Variants in TRAPPC9 observed in about 807,000 individuals in gnomAD.
TRAPPC9 encodes trafficking protein particle complex subunit 9.
TRAPPC9 carries 83 observed loss-of-function variants against 124.0 expected under a neutral mutation model. The ratio of observed to expected loss-of-function variants is 0.67; its 90% CI spans 0.56 to 0.80. The LOEUF (loss-of-function observed/expected upper bound fraction) is 0.80. TRAPPC9 is among the 30% of genes least tolerant of loss of function. TRAPPC9 has a pLI of 0.00. For synonymous variants in TRAPPC9, 638 were observed against 617.5 expected, an observed-to-expected ratio of 1.03 and a Z score of -0.49; for missense variants, 1,302 against 1,508.3, an observed-to-expected ratio of 0.86 and a Z score of 2.27.
At chr8:139,761,360 C>T (rs548937300) in intron 21 of TRAPPC9, among the ~76,000 whole-genome samples, 7 of 152,296 alleles carry the variant, frequency 4.6e-5, no homozygotes, top group East Asian at 1.9e-4. Context: ...AGCTCACAGC[C>T]GGACATGAAG....
chr8:139,846,403 C>T (rs913894618), intron 21 of TRAPPC9, among the ~76,000 whole-genome samples: 1 of 152,232 alleles, frequency 6.6e-6, no homozygotes, highest in African/African-American at 2.4e-5. Flanking sequence ...CCAGGCCCCA[C>T]CAGTTGGCAC....
intron 21 of TRAPPC9, among the ~76,000 whole-genome samples, chr8:139,802,414 G>A (rs576720266): frequency 1.3e-5 from 2 of 152,288 alleles, no homozygotes; most frequent in East Asian, 1.9e-4. Flanking sequence ...GGCTATGGGA[G>A]GGGTCCCTGG....
chr8:140,060,547 C>T (rs371660209), intron 17 of TRAPPC9, among the ~76,000 whole-genome samples: 21 of 152,126 alleles, frequency 1.4e-4, no homozygotes, highest in East Asian at 5.8e-4. Flanking sequence ...CCCATCCCTA[C>T]CCATCCTTAT....
At chr8:139,753,859 C>A (rs1348689050) in intron 21 of TRAPPC9, among the ~76,000 whole-genome samples, 3 of 152,338 alleles carry the variant, frequency 2.0e-5, no homozygotes, top group Admixed American at 6.5e-5. Flanking sequence ...ACCCCCCTCT[C>A]CTCGCCTGTG....
In TRAPPC9 at chr8:140,089,575, C is replaced by T. The variant is rs574105339; in HGVS notation, c.2557-65496G>A. Reference sequence around the variant, plus strand: ...AAAAGCCTTTCTTTGGGGAGCTTTTCGGATTTTGGAATAGCAGGCAGAGGG... The same window carrying T: ...AAAAGCCTTTCTTTGGGGAGCTTTTTGGATTTTGGAATAGCAGGCAGAGGG... On this transcript the variant is annotated intron_variant, in intron 17 of 22. Coordinates refer to ENST00000438773, the MANE Select transcript of TRAPPC9 (RefSeq NM_001160372.4). Among the ~76,000 whole-genome samples, 314 of 152,250 alleles carry T rather than the reference C, an allele frequency of 2.1e-3. 4 individuals carry two copies. The highest frequency in any genetic ancestry group is 3.4e-3 in the Middle Eastern group (1 of 294).
chr8:139,791,321 GCA>G (rs1822649643), intron 21 of TRAPPC9, among the ~76,000 whole-genome samples: 1 of 117,480 alleles, frequency 8.5e-6, no homozygotes, highest in East Asian at 2.3e-4. Context: ...CGTCTCCCCT[GCA>G]CAGACACACA....
chr8:139,899,816 G>C (rs79092754), intron 20 of TRAPPC9, among the ~76,000 whole-genome samples: 5 of 152,040 alleles, frequency 3.3e-5, no homozygotes, highest in Non-Finnish European at 7.4e-5. Flanking sequence ...ATTCCAACTC[G>C]ACACCCTTTA....
Position 139,956,503 on chromosome 8 carries a change from A to G in TRAPPC9, c.2810+32223T>C, listed in dbSNP as rs114282672. Among the ~76,000 whole-genome samples the G allele has an allele frequency of 2.6e-3, 396 of 152,342 alleles. 3 individuals are homozygous for G. Among genetic ancestry groups the G allele is most frequent in the African/African-American group, 8.8e-3 (367 of 41,588 alleles). Reference sequence around the variant, plus strand: ...GAGGCATGTGTCTCCATCAGCTGCCAGCATAGCGTCTCCTTGATGTTGGGC... The same window carrying G: ...GAGGCATGTGTCTCCATCAGCTGCCGGCATAGCGTCTCCTTGATGTTGGGC... On this transcript the variant is annotated intron_variant, in intron 19 of 22. Coordinates refer to ENST00000438773, the MANE Select transcript of TRAPPC9 (RefSeq NM_001160372.4).
intron 21 of TRAPPC9, among the ~76,000 whole-genome samples, chr8:139,771,363 T>C (rs1820947043): frequency 3.3e-5 from 5 of 152,066 alleles, no homozygotes; most frequent in Admixed American, 3.3e-4. Context: ...TAGCCAATCA[T>C]GAAGCCCTGC....
At position 140,252,793 on chromosome 8, in the gene TRAPPC9, C is replaced by A. The variant is rs1381336268; in HGVS notation, c.2415G>T (p.Leu805=). 1 of 1,613,982 alleles carries A rather than the reference C, an allele frequency of 6.2e-7. No homozygotes were observed. The highest frequency in any genetic ancestry group is 1.1e-5 in the South Asian group (1 of 91,068). Residue 805 remains leucine (L), a synonymous_variant, in exon 16 of 23, where the codon CTG becomes CTT. Transcript: ENST00000438773. The surrounding 1 kb of genome is among the most constrained non-coding windows in gnomAD (Gnocchi z 4.2). The part of the protein sequence containing the change: ...KLDFSCQENL[L]QDLSDDGISV... ...AGCGCTTACCATCACTGAGATCCTG[C>A]AGGAGATTCTCCTGGCAGGAGAAAT...
intron 19 of TRAPPC9, among the ~76,000 whole-genome samples, chr8:139,976,305 A>G (rs1224052514): frequency 6.6e-6 from 1 of 152,234 alleles, no homozygotes; most frequent in East Asian, 1.9e-4. Flanking sequence ...ATGGACATAA[A>G]TGTAAGATTT....
At chr8:140,017,103 T>C (rs950697814) in intron 18 of TRAPPC9, among the ~76,000 whole-genome samples, 2 of 152,228 alleles carry the variant, frequency 1.3e-5, no homozygotes, top group African/African-American at 4.8e-5. Context: ...AATTTTCTAT[T>C]TATCACCTTT....
chr8:139,756,336 C>T (rs1819772534), intron 21 of TRAPPC9, among the ~76,000 whole-genome samples: 1 of 140,240 alleles, frequency 7.1e-6, no homozygotes, highest in African/African-American at 2.8e-5. Context: ...GACAGCATGT[C>T]GCAGGAGGAG....
rs143385783 is a variant in TRAPPC9, at chr8:140,386,322, C to T, written c.1134+11298G>A. ...AGTTGGAAGTTCTGGCCAGGGCAAACGGGCAGGAGAAAGAAATAAAGGGTA... is the reference window on the plus strand; with the variant it reads ...AGTTGGAAGTTCTGGCCAGGGCAAATGGGCAGGAGAAAGAAATAAAGGGTA... On this transcript the variant is annotated intron_variant, in intron 7 of 22. Coordinates refer to ENST00000438773, the MANE Select transcript of TRAPPC9 (RefSeq NM_001160372.4). 7.4e-4 allele frequency among the ~76,000 whole-genome samples: 112 copies of T among 152,196 alleles called. No individual in the cohort carries two copies. The East Asian group carries it at 0.01, about 14-fold the overall frequency.
intron 15 of TRAPPC9, among the ~76,000 whole-genome samples, chr8:140,272,420 ATGG>A (rs1328979231): frequency 7.6e-4 from 96 of 126,230 alleles, no homozygotes; most frequent in African/African-American, 2.7e-3. Context: ...GGTGATGGTG[ATGG>A]TGGTGATGGT....
At chr8:139,939,870 G>A (rs1347471420) in intron 19 of TRAPPC9, among the ~76,000 whole-genome samples, 1 of 152,242 alleles carries the variant, frequency 6.6e-6, no homozygotes, top group Non-Finnish European at 1.5e-5. Flanking sequence ...AGAGGCAGGT[G>A]CAGGTCTCAT....
intron 14 of TRAPPC9, 122 bp downstream of exon 14, chr8:140,283,767 T>C (rs1371365740): frequency 5.8e-6 from 6 of 1,032,344 alleles, no homozygotes; most frequent in Non-Finnish European, 8.9e-6. Context: ...CTTACAGAAA[T>C]CCTTCACCTA....
At chr8:140,391,171 G>C (rs2068912866) in intron 7 of TRAPPC9, among the ~76,000 whole-genome samples, 1 of 152,198 alleles carries the variant, frequency 6.6e-6, no homozygotes, top group Non-Finnish European at 1.5e-5. Context: ...GTTTTGAAGA[G>C]AAAATTAACC....
chr8:140,242,798 C>T (rs796514257), intron 16 of TRAPPC9, among the ~76,000 whole-genome samples: 26 of 152,282 alleles, frequency 1.7e-4, no homozygotes, highest in African/African-American at 5.1e-4. Context: ...CAGTGTGGCA[C>T]GGCACGGGCC....
Sources: gnomAD v4.1 joint callset for allele counts (sites outside exome capture counted in the v4.1 genomes callset) on GRCh38, gnomAD v4.1.1 for gene constraint, Gnocchi (gnomAD v3.1) non-coding constraint, MANE v1.5 for transcripts, NCBI Gene and HGNC (gene_info 2026-07-23, HGNC 2026-07-21) for gene names.